The following DHX15 variants were observed in gnomAD, a reference collection of about 807,000 sequenced individuals.
DHX15 encodes the protein ATP-dependent RNA helicase DHX15.
DHX15 carries 11 observed loss-of-function variants against 94.4 expected under a neutral mutation model. That is an observed-to-expected ratio of 0.12 (90% CI 0.07 to 0.19). DHX15 has a LOEUF of 0.19. DHX15 is among the 10% of genes least tolerant of loss of function. The probability of loss-of-function intolerance (pLI) is 1.00; values close to 1 mark genes in which losing one functional copy is unlikely to be tolerated. For synonymous variants in DHX15, 338 were observed against 329.9 expected, an observed-to-expected ratio of 1.02 and a Z score of -0.27; for missense variants, 304 against 988.5, an observed-to-expected ratio of 0.31 and a Z score of 9.29.
At chr4:24,552,336 A>T (rs926451604) in intron 5 of DHX15, among the ~76,000 whole-genome samples, 1 of 152,198 alleles carries the variant, frequency 6.6e-6, no homozygotes, top group Non-Finnish European at 1.5e-5. Context: ...AACTCACTGC[A>T]TGTTGAAAAA....
At chr4:24,574,011 C>T (rs1390283366) in intron 2 of DHX15, among the ~76,000 whole-genome samples, 2 of 146,080 alleles carry the variant, frequency 1.4e-5, no homozygotes, top group Non-Finnish European at 3.0e-5. Flanking sequence ...GCCTGGCCAA[C>T]AGGGTGAAAC....
intron 5 of DHX15, among the ~76,000 whole-genome samples, chr4:24,551,775 T>C (rs1218520028): frequency 6.6e-6 from 1 of 152,212 alleles, no homozygotes; most frequent in Non-Finnish European, 1.5e-5. Flanking sequence ...ATCTGCAATT[T>C]TGTTAATTTT....
At chr4:24,544,480 G>T (rs1299138539) in intron 6 of DHX15, among the ~76,000 whole-genome samples, 2 of 152,166 alleles carry the variant, frequency 1.3e-5, no homozygotes, top group African/African-American at 2.4e-5. Context: ...ACCACATGTG[G>T]TTTGATGATG....
At chr4:24,577,615 A>T (rs1262446348) in intron 1 of DHX15, among the ~76,000 whole-genome samples, 1 of 152,038 alleles carries the variant, frequency 6.6e-6, no homozygotes, top group Non-Finnish European at 1.5e-5. Context: ...ACTCTATTAA[A>T]CCTGGGTCAA....
At chr4:24,571,821 T>C (rs1722128631) in intron 2 of DHX15, among the ~76,000 whole-genome samples, 1 of 152,230 alleles carries the variant, frequency 6.6e-6, no homozygotes, top group Non-Finnish European at 1.5e-5. Flanking sequence ...TGGGGGTAAC[T>C]TGTCACTAAC....
intron 5 of DHX15, among the ~76,000 whole-genome samples, chr4:24,553,773 G>A (rs1179457523): frequency 6.6e-6 from 1 of 152,020 alleles, no homozygotes; most frequent in African/African-American, 2.4e-5. Context: ...GCGCGACTCT[G>A]TCTTCCCTCC....
At chr4:24,583,618 G>C (rs142622434) in intron 1 of DHX15, among the ~76,000 whole-genome samples, 1 of 152,018 alleles carries the variant, frequency 6.6e-6, no homozygotes, top group Non-Finnish European at 1.5e-5. Context: ...TGTTTGAATG[G>C]ACCAAGGCAC....
intron 5 of DHX15, among the ~76,000 whole-genome samples, chr4:24,552,366 TA>T (rs1161098546): frequency 7.9e-5 from 12 of 152,348 alleles, no homozygotes; most frequent in African/African-American, 2.6e-4. Context: ...TAAGCAAAAT[TA>T]AAAATAAAAT....
intron 13 of DHX15, among the ~76,000 whole-genome samples, chr4:24,529,399 A>G (rs1424830458): frequency 6.6e-6 from 1 of 152,196 alleles, no homozygotes; most frequent in Non-Finnish European, 1.5e-5. Flanking sequence ...AATCCTGCCC[A>G]TAAATATCAA....
intron 6 of DHX15, 23 bp downstream of exon 6, chr4:24,548,832 A>C (rs769669804): frequency 1.3e-6 from 2 of 1,598,004 alleles, no homozygotes; most frequent in Non-Finnish European, 8.5e-7. Flanking sequence ...TGAAATATTT[A>C]TAAAGAGCAT....
intron 3 of DHX15, among the ~76,000 whole-genome samples, chr4:24,569,210 G>A (rs2109008046): frequency 6.6e-6 from 1 of 152,208 alleles, no homozygotes; most frequent in Non-Finnish European, 1.5e-5. Context: ...AATAACATGG[G>A]ACAGGGAAAT....
chr4:24,569,541 G>A (rs1243685046), intron 3 of DHX15, among the ~76,000 whole-genome samples: 8 of 133,374 alleles, frequency 6.0e-5, no homozygotes, highest in Admixed American at 5.4e-4. Context: ...GCAGAGAGCC[G>A]AGATGGCGCC....
intron 6 of DHX15, among the ~76,000 whole-genome samples, chr4:24,545,915 T>C (rs1364725689): frequency 6.6e-6 from 1 of 152,182 alleles, no homozygotes; most frequent in African/African-American, 2.4e-5. Context: ...GACCCTATGG[T>C]GAAAAGCTTG....
At chr4:24,542,141 T>C in intron 7 of DHX15, 119 bp from the exon 8 acceptor site, 2 of 820,798 alleles carry the variant, frequency 2.4e-6, no homozygotes, top group Middle Eastern at 3.7e-4. Flanking sequence ...TCGATAGCCA[T>C]AAATCATGCT....
At chr4:24,531,159 G>A (rs1215163638) in intron 12 of DHX15, among the ~76,000 whole-genome samples, 2 of 151,764 alleles carry the variant, frequency 1.3e-5, no homozygotes, top group East Asian at 1.9e-4. Context: ...CGCTATCTCG[G>A]CTCACTGCAA....
intron 6 of DHX15, among the ~76,000 whole-genome samples, chr4:24,547,897 GTA>G (rs869284515): frequency 0.092 from 5,108 of 55,592 alleles, 379 homozygotes; most frequent in African/African-American, 0.27. Context: ...CTCTATGTAT[GTA>G]TGTGTATATA....
intron 1 of DHX15, among the ~76,000 whole-genome samples, chr4:24,579,291 C>A (rs1233128256): frequency 6.6e-6 from 1 of 152,172 alleles, no homozygotes; most frequent in African/African-American, 2.4e-5. Flanking sequence ...TTGCTTATGG[C>A]TCAAACTACC....
chr4:24,554,462 G>T (rs1721680198), intron 5 of DHX15, among the ~76,000 whole-genome samples: 1 of 152,090 alleles, frequency 6.6e-6, no homozygotes, highest in African/African-American at 2.4e-5. Context: ...ATATCCCAGG[G>T]ATCTCTTAAA....
intron 10 of DHX15, chr4:24,538,650 TTTAA>T (rs1721242441): frequency 6.6e-6 from 1 of 152,144 alleles, no homozygotes; most frequent in South Asian, 2.1e-4. Flanking sequence ...AAATGGACCA[TTTAA>T]AAACAGTCCA....
Sources: allele counts gnomAD v4.1 joint callset (sites outside exome capture counted in the v4.1 genomes callset), GRCh38; gene constraint gnomAD v4.1.1; transcripts MANE v1.5; gene names NCBI Gene and HGNC (gene_info 2026-07-23, HGNC 2026-07-21).